Variants in USP10 observed in about 807,000 individuals in gnomAD.
The protein encoded by USP10 is ubiquitin specific peptidase 10, also known as ubiquitin carboxyl-terminal hydrolase 10.
A neutral mutation model predicts 84.5 loss-of-function variants in USP10; 22 were observed. That is an observed-to-expected ratio of 0.26 (90% CI 0.19 to 0.37). The LOEUF is 0.37. Among genes scored for constraint, USP10 ranks in the 10% least tolerant of loss-of-function variants. The pLI, the probability that USP10 is intolerant of heterozygous loss-of-function variation, is 1.00. For missense variants in USP10, 1,019 were observed against 998.9 expected (o/e 1.02, Z -0.27); for synonymous variants, 454 against 387.6 (o/e 1.17, Z -2.01).
At chr16:84,739,010 C>G (rs376790358) in intron 2 of USP10, among the ~76,000 whole-genome samples, 316 of 152,224 alleles carry the variant, frequency 2.1e-3, no homozygotes, top group Non-Finnish European at 3.8e-3. Context: ...TTTGTTCTGC[C>G]CTCAGGTAGC....
chr16:84,714,874 T>G (rs138805320), intron 1 of USP10, among the ~76,000 whole-genome samples: 405 of 151,474 alleles, frequency 2.7e-3, no homozygotes, highest in African/African-American at 9.4e-3. Context: ...AAAAACAAGT[T>G]CTACATATGA....
chr16:84,703,903 A>G (rs1204952392), intron 1 of USP10, among the ~76,000 whole-genome samples: 1 of 152,242 alleles, frequency 6.6e-6, no homozygotes, highest in Non-Finnish European at 1.5e-5. Flanking sequence ...GGCCTACCAC[A>G]TTCTAAATTC....
At chr16:84,729,337 G>A (rs1164924692) in intron 1 of USP10, among the ~76,000 whole-genome samples, 5 of 152,114 alleles carry the variant, frequency 3.3e-5, no homozygotes, top group South Asian at 2.1e-4. Context: ...AAGAAATTCC[G>A]TTTTATTCTT....
At chr16:84,709,089 T>C (rs1278455427) in intron 1 of USP10, 5 of 152,242 alleles carry the variant, frequency 3.3e-5, no homozygotes, top group Non-Finnish European at 5.9e-5. Flanking sequence ...GGCTGCTGTG[T>C]ACCAGGCACT....
At chr16:84,748,763 AAT>A (rs1276778946) in intron 4 of USP10, among the ~76,000 whole-genome samples, 1 of 152,192 alleles carries the variant, frequency 6.6e-6, no homozygotes, top group Non-Finnish European at 1.5e-5. Flanking sequence ...TAGTTTGATA[AAT>A]AGTTTGTTAT....
chr16:84,763,828 G>T (rs548477603), intron 9 of USP10, among the ~76,000 whole-genome samples: 1 of 150,814 alleles, frequency 6.6e-6, no homozygotes, highest in East Asian at 1.9e-4. Flanking sequence ...GTGACGTTGT[G>T]CCTGTTGGGA....
chr16:84,706,730 C>T (rs1379956800), intron 1 of USP10, among the ~76,000 whole-genome samples: 1 of 151,594 alleles, frequency 6.6e-6, no homozygotes, highest in Non-Finnish European at 1.5e-5. Context: ...TTAGTAGAGA[C>T]GGGGTTTCAC....
chr16:84,735,260 G>A (rs1030204682), intron 2 of USP10, among the ~76,000 whole-genome samples: 4 of 150,372 alleles, frequency 2.7e-5, no homozygotes, highest in African/African-American at 9.9e-5. Context: ...TTAAGTAAGG[G>A]GATTTTGTAT....
At chr16:84,765,270 TGC>T (rs2150860111) in intron 10 of USP10, among the ~76,000 whole-genome samples, 1 of 143,408 alleles carries the variant, frequency 7.0e-6, no homozygotes, top group South Asian at 2.3e-4. Context: ...TGTGTGTGTG[TGC>T]ACATGGCAAG....
chr16:84,736,640 C>A (rs1909968543), intron 2 of USP10, among the ~76,000 whole-genome samples: 1 of 152,192 alleles, frequency 6.6e-6, no homozygotes, highest in Non-Finnish European at 1.5e-5. Flanking sequence ...TCTTTAGTTT[C>A]CAGAATCTCA....
intron 1 of USP10, among the ~76,000 whole-genome samples, chr16:84,712,276 A>T (rs1291177790): frequency 6.6e-6 from 1 of 152,126 alleles, no homozygotes. Context: ...TCCTGAGAGT[A>T]GCGGAAGGAA....
At chr16:84,763,305 A>C (rs1225185539) in intron 9 of USP10, among the ~76,000 whole-genome samples, 1 of 152,216 alleles carries the variant, frequency 6.6e-6, no homozygotes, top group African/African-American at 2.4e-5. Context: ...TAATTAGGAA[A>C]ATGATCAAGC....
Position 84,705,324 on chromosome 16 carries a change from C to T in USP10, c.21+5213C>T, listed in dbSNP as rs951334094. 3.9e-5 allele frequency among the ~76,000 whole-genome samples: 6 copies of T among 152,126 alleles called. No individual in the cohort carries two copies. The East Asian group carries it at 9.7e-4, about 25-fold the overall frequency. ...TTGTCTCACTGCAACTTCTGCCTCC[C>T]GGGTTCAAGTGATTCTCCTGCCTCA... is the stretch of plus-strand genomic sequence containing the variant. On this transcript the variant is annotated intron_variant, in intron 1 of 13. Transcript: ENST00000219473.
At chr16:84,722,361 C>A (rs1253798311) in intron 1 of USP10, among the ~76,000 whole-genome samples, 1 of 152,148 alleles carries the variant, frequency 6.6e-6, no homozygotes, top group Non-Finnish European at 1.5e-5. Flanking sequence ...TTGTTGTTCC[C>A]ACTGTTTGAA....
intron 13 of USP10, among the ~76,000 whole-genome samples, chr16:84,776,417 T>C (rs1915025734): frequency 6.8e-6 from 1 of 146,936 alleles, no homozygotes; most frequent in South Asian, 2.1e-4. Context: ...TTTGACTCTC[T>C]TCTTTTCTCC....
At chr16:84,731,283 C>CTTT (rs531027465) in intron 1 of USP10, among the ~76,000 whole-genome samples, 1 of 142,630 alleles carries the variant, frequency 7.0e-6, no homozygotes, top group Non-Finnish European at 1.5e-5. Context: ...CCGGCCTCTA[C>CTTT]TTTTTTTTTT....
At chr16:84,719,172 G>A (rs149147092) in intron 1 of USP10, among the ~76,000 whole-genome samples, 1 of 152,260 alleles carries the variant, frequency 6.6e-6, no homozygotes, top group East Asian at 1.9e-4. Flanking sequence ...CACTAAAAGA[G>A]TTCCCATTTT....
intron 4 of USP10, among the ~76,000 whole-genome samples, chr16:84,754,404 C>G (rs765195379): frequency 5.9e-5 from 9 of 152,094 alleles, no homozygotes; most frequent in Admixed American, 2.0e-4. Context: ...CGACGTCGTA[C>G]CAGAATGGCC....
chr16:84,738,381 A>C (rs1367918682), intron 2 of USP10, among the ~76,000 whole-genome samples: 1 of 152,170 alleles, frequency 6.6e-6, no homozygotes, highest in Non-Finnish European at 1.5e-5. Context: ...GGGGCATCCT[A>C]GTGTCATTAA....
Sources: allele counts gnomAD v4.1 joint callset (sites outside exome capture counted in the v4.1 genomes callset), GRCh38; gene constraint gnomAD v4.1.1; transcripts MANE v1.5; gene names NCBI Gene and HGNC (gene_info 2026-07-23, HGNC 2026-07-21).